ELFN2: variants seen among roughly 807,000 people sequenced by gnomAD.
ELFN2 encodes the protein extracellular leucine rich repeat and fibronectin type III domain containing 2.
Under a neutral mutation model 45.5 loss-of-function variants are expected in ELFN2, and 17 were observed. That is an observed-to-expected ratio of 0.37 (90% confidence interval 0.26 to 0.56). The LOEUF is 0.56. Among genes scored for constraint, ELFN2 ranks in the 20% least tolerant of loss-of-function variants. The pLI is 0.77. For synonymous variants in ELFN2, 550 were observed against 551.5 expected, an observed-to-expected ratio of 1.00 and a Z score of 0.04; for missense variants, 922 against 1,183.2, an observed-to-expected ratio of 0.78 and a Z score of 3.24.
chr22:37,355,055 T>C (rs1394045320), intron 1 of ELFN2, among the ~76,000 whole-genome samples: 1 of 152,222 alleles, frequency 6.6e-6, no homozygotes, highest in East Asian at 1.9e-4. Flanking sequence ...TCGTCGCTGG[T>C]TCCTTTTCAG....
intron 2 of ELFN2, among the ~76,000 whole-genome samples, chr22:37,379,933 C>A (rs995160221): frequency 2.0e-5 from 3 of 152,194 alleles, no homozygotes; most frequent in East Asian, 1.9e-4. Context: ...CCCTGCCCCC[C>A]CTCGGAGGGC....
chr22:37,350,681 C>G (rs150570519), intron 1 of ELFN2, among the ~76,000 whole-genome samples: 3 of 150,682 alleles, frequency 2.0e-5, no homozygotes, highest in Non-Finnish European at 4.5e-5. Flanking sequence ...CATCAGCACC[C>G]CAGGGTGGGG....
At chr22:37,419,831 C>A (rs534879360) in intron 1 of ELFN2, among the ~76,000 whole-genome samples, 1 of 152,214 alleles carries the variant, frequency 6.6e-6, no homozygotes, top group Non-Finnish European at 1.5e-5. Context: ...CACACCCACC[C>A]GGCACACACA....
At chr22:37,396,695 C>T (rs748618672) in intron 2 of ELFN2, among the ~76,000 whole-genome samples, 2 of 152,156 alleles carry the variant, frequency 1.3e-5, no homozygotes, top group Admixed American at 6.5e-5. Flanking sequence ...GCTGCTCCTC[C>T]AGGCTCTGTC....
chr22:37,389,524 G>T (rs914977025), intron 2 of ELFN2, among the ~76,000 whole-genome samples: 3 of 152,076 alleles, frequency 2.0e-5, no homozygotes, highest in African/African-American at 7.2e-5. Flanking sequence ...CTTCTGCAGG[G>T]TGACCCCCCT....
Position 37,375,608 on chromosome 22 carries a change from C to G in ELFN2, c.-74G>C. The G allele has an allele frequency of 6.9e-7, 1 of 1,456,344 alleles. No homozygotes were observed. 90.2% of individuals were successfully genotyped at this position (1,456,344 alleles called of 1,614,324 possible). On this transcript the variant is annotated 5_prime_UTR_variant, in exon 3 of 3. Transcript: ENST00000402918. ...CGGCCAGAGGCTGGGGCTGGCAGTA[C>G]AGTCCTCCCTGGGGCCGCCACCATC...
rs1931088889 is a variant in ELFN2, at chr22:37,361,614, C to T, written n.149-18911G>A. ...AAACAGTGGGCCCATCCCACACCAT[C>T]TGACTTCTACCCCCAGGCCCCATTA... On this transcript the variant is annotated intron_variant and non_coding_transcript_variant, in intron 1 of 2. Transcript: ENST00000452946. Among the ~76,000 whole-genome samples, 3 of 152,192 alleles carry T rather than the reference C, an allele frequency of 2.0e-5. No homozygotes were observed. In the South Asian group the frequency reaches 6.2e-4, roughly 31 times the overall value.
In ELFN2 at chr22:37,417,069, A is replaced by G. The variant is rs144367562; in HGVS notation, c.-463+700T>C. ...ACCACCGTCACTCAGCGCCGCCTGGACAACAGCTCCCTCCACGTGGCCGCC... is the reference window on the plus strand; with the variant it reads ...ACCACCGTCACTCAGCGCCGCCTGGGCAACAGCTCCCTCCACGTGGCCGCC... On this transcript the variant is annotated intron_variant, in intron 2 of 2. Coordinates refer to ENST00000402918, the MANE Select transcript of ELFN2 (RefSeq NM_052906.5). The surrounding 1 kb of genome is among the most constrained non-coding windows in gnomAD (Gnocchi z 4.5). Among the ~76,000 whole-genome samples the G allele has an allele frequency of 6.6e-5, 10 of 151,624 alleles. No homozygotes were observed. In the East Asian group the frequency reaches 1.9e-3, roughly 29 times the overall value.
In ELFN2 at chr22:37,371,724, G is replaced by A. The variant is rs1184357220; in HGVS notation, c.*1348C>T. 6.6e-6 allele frequency: 1 copy of A among 152,608 alleles called. No individual in the cohort carries two copies. Among genetic ancestry groups the A allele is most frequent in the Non-Finnish European group, 1.5e-5 (1 of 68,102 alleles). 9.5% of individuals were successfully genotyped at this position (152,608 alleles called of 1,614,324 possible). A position where few individuals can be genotyped will look rare whatever the true frequency, so the allele number is the denominator to read the frequency against. On this transcript the variant is annotated 3_prime_UTR_variant, in exon 3 of 3. Coordinates refer to ENST00000402918, the MANE Select transcript of ELFN2 (RefSeq NM_052906.5). The surrounding 1 kb of genome is among the most constrained non-coding windows in gnomAD (Gnocchi z 6.4). ...ATGGTGACAGAGGCTGGCTGGGAGG[G>A]GCTGGGGCGCCACGAACCCAGCCTG...
chr22:37,404,710 C>T (rs990602633), intron 2 of ELFN2, among the ~76,000 whole-genome samples: 27 of 152,148 alleles, frequency 1.8e-4, no homozygotes, highest in African/African-American at 6.5e-4. Context: ...GACACCCAGG[C>T]TGGGAGGGTC....
intron 2 of ELFN2, among the ~76,000 whole-genome samples, chr22:37,402,185 G>A (rs1416088673): frequency 6.6e-6 from 1 of 152,228 alleles, no homozygotes; most frequent in Non-Finnish European, 1.5e-5. Flanking sequence ...CTCTGGCACA[G>A]AGCAAACCCT....
In ELFN2 at chr22:37,372,831, T is replaced by A. The variant is rs1931411225; in HGVS notation, c.*241A>T. ...ACAGTAAAGACGACTGGTTTCGGTA[T>A]CAGTTTGTAAACTTTAAGGAAAATG... On this transcript the variant is annotated 3_prime_UTR_variant, in exon 3 of 3. Transcript: ENST00000402918. The surrounding 1 kb of genome is among the most constrained non-coding windows in gnomAD (Gnocchi z 4.4). 3.8e-6 allele frequency: 2 copies of A among 521,126 alleles called. No homozygotes were observed. The highest frequency in any genetic ancestry group is 3.6e-5 in the Admixed American group (1 of 28,084). 32.3% of individuals were successfully genotyped at this position (521,126 alleles called of 1,614,324 possible). A position where few individuals can be genotyped will look rare whatever the true frequency, so the allele number is the denominator to read the frequency against.
Position 37,372,765 on chromosome 22 carries a change from GC to G in ELFN2, c.*306del. 1.8e-5 allele frequency: 3 copies of G among 162,184 alleles called. 1 individual carries two copies. Among genetic ancestry groups the G allele is most frequent in the African/African-American group, 2.6e-5 (1 of 38,150 alleles). The allele number at this position is 162,184 out of a possible 1,614,324, so 10.0% of individuals were successfully genotyped here. On this transcript the variant is annotated 3_prime_UTR_variant, in exon 3 of 3. Transcript: ENST00000402918. The surrounding 1 kb of genome is among the most constrained non-coding windows in gnomAD (Gnocchi z 4.4). ...CTTGGCTTCCTTCCTCCCCCCGCCA[GC>G]CCCCCGGCCCTGCACACCCCAGCAG...
downstream of ELFN2, among the ~76,000 whole-genome samples, chr22:37,363,217 A>G (rs1161104829): frequency 6.6e-6 from 1 of 152,152 alleles, no homozygotes; most frequent in East Asian, 1.9e-4. Context: ...TGCTTAAATT[A>G]GTTACAGAGA....
At chr22:37,378,726 C>T (rs538426017) in intron 2 of ELFN2, among the ~76,000 whole-genome samples, 93 of 152,364 alleles carry the variant, frequency 6.1e-4, no homozygotes, top group African/African-American at 2.0e-3. Context: ...AGGCTCCCAT[C>T]GTGCTGTCCC....
chr22:37,407,005 A>G (rs1012978028), intron 2 of ELFN2, among the ~76,000 whole-genome samples: 1 of 152,266 alleles, frequency 6.6e-6, no homozygotes, highest in Non-Finnish European at 1.5e-5. Context: ...CCCAGTAGGC[A>G]TGCAGCCCAT....
intron 2 of ELFN2, among the ~76,000 whole-genome samples, chr22:37,388,932 C>T (rs772400022): frequency 7.2e-5 from 11 of 152,322 alleles, no homozygotes; most frequent in South Asian, 2.1e-4. Context: ...CCCGGGGCTT[C>T]GTGGGGGGCG....
At chr22:37,386,353 C>T (rs991232458) in intron 2 of ELFN2, among the ~76,000 whole-genome samples, 2 of 152,166 alleles carry the variant, frequency 1.3e-5, no homozygotes, top group Non-Finnish European at 2.9e-5. Context: ...GACTGGGACA[C>T]CTGCCTGCTA....
rs1931467693 is a variant in ELFN2 at position 37,373,836 on chromosome 22, TGCC to T, written c.1696_1698del (p.Gly566del). The T allele has an allele frequency of 6.2e-7, 1 of 1,613,020 alleles. No homozygotes were observed. ...GCCAGCTCGGGGTCCCCACTGCTGC[TGCC>T]GCCTCCCAGAAAAGAGGCCGAGTCC... On this transcript the variant is annotated inframe_deletion, in exon 3 of 3. Transcript: ENST00000402918.
Sources: gnomAD v4.1 joint callset for allele counts (sites outside exome capture counted in the v4.1 genomes callset) on GRCh38, gnomAD v4.1.1 for gene constraint, Gnocchi (gnomAD v3.1) non-coding constraint, MANE v1.5 for transcripts, NCBI Gene and HGNC (gene_info 2026-07-23, HGNC 2026-07-21) for gene names.